Variants in ELAPOR2 observed in about 807,000 individuals in gnomAD.
The protein encoded by ELAPOR2 is endosome/lysosome-associated apoptosis and autophagy regulator family member 2.
Under a neutral mutation model 120.7 loss-of-function variants are expected in ELAPOR2, and 89 were observed. The observed-to-expected ratio is 0.74, with a 90% CI of 0.62 to 0.88. The LOEUF (loss-of-function observed/expected upper bound fraction) is 0.88. Among genes scored for constraint, ELAPOR2 ranks in the 40% least tolerant of loss-of-function variants. The pLI is 0.00. For missense variants in ELAPOR2, 1,134 were observed against 1,251.6 expected, an observed-to-expected ratio of 0.91 and a Z score of 1.42; for synonymous variants, 444 against 444.9, an observed-to-expected ratio of 1.00 and a Z score of 0.03.
At chr7:86,889,864 A>C (rs1256498244) in intron 21 of ELAPOR2, among the ~76,000 whole-genome samples, 1 of 152,000 alleles carries the variant, frequency 6.6e-6, no homozygotes, top group Non-Finnish European at 1.5e-5. Context: ...CAAGAAAGCT[A>C]TCTAGCTTTC....
At chr7:86,993,222 G>A (rs867716363) in intron 1 of ELAPOR2, among the ~76,000 whole-genome samples, 31 of 105,606 alleles carry the variant, frequency 2.9e-4, no homozygotes, top group East Asian at 1.3e-3. Flanking sequence ...ATGACAGAGC[G>A]AGACTCCATC....
chr7:86,984,379 A>C (rs1049716032), intron 1 of ELAPOR2, among the ~76,000 whole-genome samples: 1 of 152,244 alleles, frequency 6.6e-6, no homozygotes, highest in African/African-American at 2.4e-5. Context: ...TCAACAGAAT[A>C]TACATTATTC....
chr7:87,059,117 G>C (rs1415291120), intron 1 of ELAPOR2, among the ~76,000 whole-genome samples: 2 of 151,900 alleles, frequency 1.3e-5, no homozygotes, highest in African/African-American at 4.8e-5. Context: ...GGACAGAAAA[G>C]CATCCCCCGA....
At position 86,880,185 on chromosome 7, in the gene ELAPOR2, G is replaced by T. The variant is rs2115700929; in HGVS notation, c.*286C>A. ...GGCATGCATCAGCAGTGCATTGGTG[G>T]GCTTAAACTTGGTTTTCAGTTATGT... is the stretch of plus-strand genomic sequence containing the variant. On this transcript the variant is annotated 3_prime_UTR_variant, in exon 22 of 22. Coordinates refer to ENST00000450689, the MANE Select transcript of ELAPOR2 (RefSeq NM_001142749.3). The T allele has an allele frequency of 2.5e-6, 1 of 401,116 alleles. No individual in the cohort carries two copies. The highest frequency in any genetic ancestry group is 4.7e-5 in the East Asian group (1 of 21,466). The allele number at this position is 401,116 out of a possible 1,614,324, so 24.8% of individuals were successfully genotyped here.
intron 1 of ELAPOR2, among the ~76,000 whole-genome samples, chr7:86,968,696 A>C (rs1792002083): frequency 6.6e-6 from 1 of 151,934 alleles, no homozygotes; most frequent in Non-Finnish European, 1.5e-5. Flanking sequence ...CATGCTTCAC[A>C]ATTTTTCCTG....
chr7:86,889,106 A>G (rs1015557355), intron 21 of ELAPOR2, among the ~76,000 whole-genome samples: 6 of 152,090 alleles, frequency 3.9e-5, no homozygotes, highest in Non-Finnish European at 8.8e-5. Context: ...GCTTGAAGTA[A>G]TCAATTACAC....
At chr7:87,051,634 A>G (rs997917370) in intron 1 of ELAPOR2, among the ~76,000 whole-genome samples, 2 of 152,232 alleles carry the variant, frequency 1.3e-5, no homozygotes, top group Non-Finnish European at 2.9e-5. Flanking sequence ...TGAAGGTCAC[A>G]TAAACCAGTG....
chr7:87,026,648 T>C (rs1317243539), intron 1 of ELAPOR2, among the ~76,000 whole-genome samples: 3 of 152,082 alleles, frequency 2.0e-5, no homozygotes, highest in African/African-American at 7.2e-5. Context: ...AAAGGAGTGA[T>C]AGGCCCATAA....
At position 86,878,237 on chromosome 7, in the gene ELAPOR2, A is replaced by G. The variant is rs1799243836; in HGVS notation, c.*2234T>C. ...TAAAACTAAAGGAAATTTTATAGCC[A>G]GGATTGGTCTAAATATTTTCCCCAT... On this transcript the variant is annotated 3_prime_UTR_variant, in exon 22 of 22. Transcript: ENST00000450689. The G allele has an allele frequency of 6.6e-6, 1 of 152,228 alleles. No individual in the cohort carries two copies. Among genetic ancestry groups the G allele is most frequent in the African/African-American group, 2.4e-5 (1 of 41,466 alleles). The allele number at this position is 152,228 out of a possible 1,614,324, so 9.4% of individuals were successfully genotyped here.
intron 1 of ELAPOR2, 83 bp from the exon 2 acceptor site, chr7:86,965,107 G>A (rs6976877): frequency 0.25 from 356,641 of 1,415,680 alleles, 51,801 homozygotes; most frequent in African/African-American, 0.64. Flanking sequence ...CCAAGCCCCT[G>A]TTTCCAAGCT....
At chr7:86,916,701 G>C (rs1484276342) in intron 12 of ELAPOR2, among the ~76,000 whole-genome samples, 1 of 152,100 alleles carries the variant, frequency 6.6e-6, no homozygotes, top group African/African-American at 2.4e-5. Context: ...TTTCCAAGGG[G>C]ACCCAGGTGG....
intron 1 of ELAPOR2, among the ~76,000 whole-genome samples, chr7:86,972,065 G>A (rs868082273): frequency 6.6e-6 from 1 of 152,068 alleles, no homozygotes; most frequent in African/African-American, 2.4e-5. Context: ...AGAGGACCTC[G>A]CTTTCTACAA....
chr7:86,960,085 T>C (rs541205071), intron 2 of ELAPOR2, among the ~76,000 whole-genome samples: 49 of 152,386 alleles, frequency 3.2e-4, no homozygotes, highest in Non-Finnish European at 4.6e-4. Flanking sequence ...ATGATTTTAA[T>C]CTTCTTAAAT....
chr7:86,975,129 T>G (rs533333452), intron 1 of ELAPOR2, among the ~76,000 whole-genome samples: 20 of 152,312 alleles, frequency 1.3e-4, no homozygotes, highest in African/African-American at 4.8e-4. Context: ...TTCGCTGACT[T>G]CAAAATTTGG....
rs1277161598 is a variant in ELAPOR2, at chr7:86,926,803, T to C, written c.1203A>G (p.Gly401=). 6.2e-7 allele frequency: 1 copy of C among 1,611,192 alleles called. No individual in the cohort carries two copies. The highest frequency in any genetic ancestry group is 8.5e-7 in the Non-Finnish European group (1 of 1,178,732). The change falls in exon 9 of 22, where the codon GGA becomes GGG. Residue 401 remains glycine (G), a synonymous_variant. Transcript: ENST00000450689. Reference sequence around the variant, plus strand: ...AAGAAGATGATCCATTGTTATAAAATCCAGGGTTGCAAGGCGGACAATCCT... The same window carrying C: ...AAGAAGATGATCCATTGTTATAAAACCCAGGGTTGCAAGGCGGACAATCCT... ...EKKDCPPCNP[G]FYNNGSSSCH...
intron 1 of ELAPOR2, among the ~76,000 whole-genome samples, chr7:87,017,372 T>G (rs188390690): frequency 1.8e-3 from 277 of 152,326 alleles, no homozygotes; most frequent in African/African-American, 6.1e-3. Flanking sequence ...TTTTGATATA[T>G]CCACACAGTG....
At chr7:86,990,082 T>A (rs1184685856) in intron 1 of ELAPOR2, among the ~76,000 whole-genome samples, 1 of 152,036 alleles carries the variant, frequency 6.6e-6, no homozygotes, top group East Asian at 1.9e-4. Flanking sequence ...AGTCTTGCTC[T>A]GTCCCCCAGG....
intron 1 of ELAPOR2, among the ~76,000 whole-genome samples, chr7:86,984,432 G>C (rs566547555): frequency 2.2e-4 from 34 of 152,132 alleles, no homozygotes; most frequent in Non-Finnish European, 4.1e-4. Flanking sequence ...CACACAGTTG[G>C]AAGTAAAGCA....
chr7:86,948,199 A>G (rs1233912035), intron 2 of ELAPOR2, among the ~76,000 whole-genome samples: 3 of 152,110 alleles, frequency 2.0e-5, no homozygotes, highest in Non-Finnish European at 2.9e-5. Flanking sequence ...TCTTTCCTAC[A>G]AGATAGATGT....
Sources: gnomAD v4.1 joint callset for allele counts (sites outside exome capture counted in the v4.1 genomes callset) on GRCh38, gnomAD v4.1.1 for gene constraint, MANE v1.5 for transcripts, NCBI Gene and HGNC (gene_info 2026-07-23, HGNC 2026-07-21) for gene names.